PTK2: variants seen among roughly 807,000 people sequenced by gnomAD.
The protein encoded by PTK2 is focal adhesion kinase 1.
In PTK2, 45 loss-of-function variants were observed where a neutral mutation model predicts 150.1. The ratio of observed to expected loss-of-function variants is 0.30; its 90% confidence interval spans 0.24 to 0.38. The LOEUF (loss-of-function observed/expected upper bound fraction) is 0.38. Among genes scored for constraint, PTK2 ranks in the 10% least tolerant of loss-of-function variants. The pLI, the probability that PTK2 is intolerant of heterozygous loss-of-function variation, is 1.00. For missense variants in PTK2, 919 were observed against 1,307.3 expected, an observed-to-expected ratio of 0.70 and a Z score of 4.58; for synonymous variants, 432 against 449.2, an observed-to-expected ratio of 0.96 and a Z score of 0.48.
intron 8 of PTK2, among the ~76,000 whole-genome samples, chr8:140,819,936 C>G (rs2100107131): frequency 6.6e-6 from 1 of 151,738 alleles, no homozygotes; most frequent in Admixed American, 6.6e-5. Flanking sequence ...CTGAGAAGGC[C>G]ATGGATAAAG....
chr8:140,687,338 C>G lies in PTK2; in HGVS notation c.2500-644G>C, dbSNP rs377106148. Among the ~76,000 whole-genome samples, 31 of 152,256 alleles carry G rather than the reference C, an allele frequency of 2.0e-4. No individual in the cohort carries two copies. The East Asian group carries it at 4.6e-3, about 23-fold the overall frequency. ...CAGTGGCTCCTGCCTCCCCTTTGCC[C>G]GTGAACACTGGCCACATACTTCTTC... On this transcript the variant is annotated intron_variant, in intron 26 of 31. Transcript: ENST00000522684.
intron 2 of PTK2, among the ~76,000 whole-genome samples, chr8:140,911,076 A>G (rs2100162967): frequency 6.6e-6 from 1 of 151,302 alleles, no homozygotes; most frequent in Non-Finnish European, 1.5e-5. Context: ...TTTTTTGTAA[A>G]GCCGGAGTCT....
chr8:140,818,851 C>T, intron 9 of PTK2, 29 bp downstream of exon 9: 5 of 1,600,608 alleles, frequency 3.1e-6, no homozygotes, highest in Non-Finnish European at 4.3e-6. Flanking sequence ...ATCAAACTAG[C>T]CCACTATTTC....
At chr8:141,000,564 G>A (rs954135066) in intron 1 of PTK2, among the ~76,000 whole-genome samples, 4 of 152,136 alleles carry the variant, frequency 2.6e-5, no homozygotes, top group African/African-American at 9.7e-5. Context: ...GCGGAGGCCG[G>A]CCCGTCCTCC....
chr8:140,693,687 TTC>T (rs1285466994), intron 26 of PTK2, among the ~76,000 whole-genome samples: 1 of 150,068 alleles, frequency 6.7e-6, no homozygotes, highest in African/African-American at 2.5e-5. Context: ...ATAAAACACA[TTC>T]TGTGCAGGGT....
chr8:140,990,693 TATTTTA>T, intron 1 of PTK2, among the ~76,000 whole-genome samples: 1 of 152,330 alleles, frequency 6.6e-6, no homozygotes, highest in Admixed American at 6.5e-5. Flanking sequence ...TAGATTACAT[TATTTTA>T]ATTTTGTTTA....
chr8:140,860,697 C>T (rs1442224967), intron 5 of PTK2, among the ~76,000 whole-genome samples: 1 of 152,202 alleles, frequency 6.6e-6, no homozygotes, highest in Non-Finnish European at 1.5e-5. Flanking sequence ...TGGTCTCGAA[C>T]TCCTGACCTC....
intron 24 of PTK2, among the ~76,000 whole-genome samples, chr8:140,703,312 G>C (rs954808714): frequency 1.3e-5 from 2 of 152,142 alleles, no homozygotes; most frequent in Non-Finnish European, 2.9e-5. Context: ...TGGAGTAAGG[G>C]GACCATGAGC....
At chr8:140,811,605 G>A (rs1453706911) in intron 10 of PTK2, among the ~76,000 whole-genome samples, 1 of 152,168 alleles carries the variant, frequency 6.6e-6, no homozygotes, top group African/African-American at 2.4e-5. Flanking sequence ...AACATGGATA[G>A]GAATGAAGAT....
intron 1 of PTK2, among the ~76,000 whole-genome samples, chr8:140,943,950 CA>C (rs532058659): frequency 2.3e-4 from 35 of 152,192 alleles, no homozygotes; most frequent in South Asian, 2.1e-3. Context: ...CTTTTTTAAT[CA>C]GACAGTTTAT....
chr8:140,677,734 G>T (rs527934373), intron 27 of PTK2, among the ~76,000 whole-genome samples: 1 of 152,258 alleles, frequency 6.6e-6, no homozygotes, highest in Admixed American at 6.5e-5. Flanking sequence ...AAAAGTCTCA[G>T]AGCTTGAAGG....
intron 1 of PTK2, among the ~76,000 whole-genome samples, chr8:141,000,176 G>A (rs995597155): frequency 9.3e-5 from 14 of 150,494 alleles, no homozygotes; most frequent in Non-Finnish European, 1.6e-4. Flanking sequence ...AACCCAGAGA[G>A]AAATTCGGCA....
intron 1 of PTK2, among the ~76,000 whole-genome samples, chr8:140,988,748 A>T (rs897092276): frequency 6.6e-6 from 1 of 151,584 alleles, no homozygotes; most frequent in Non-Finnish European, 1.5e-5. Flanking sequence ...AAAAAAAAAA[A>T]AAAGACACAC....
rs61261890 is a variant in PTK2 at position 140,902,924 on chromosome 8, G to GTTTT, written c.-32-12159_-32-12156dup. ...TTGCCTGTTCACTCTGATGAGAGTT[G>GTTTT]TTTTTTTTTTTTTTTTTTTTTTTTT... On this transcript the variant is annotated intron_variant, in intron 2 of 31. Transcript: ENST00000522684. 5.3e-4 allele frequency among the ~76,000 whole-genome samples: 31 copies of GTTTT among 58,948 alleles called. 3 individuals carry two copies. The highest frequency in any genetic ancestry group is 6.1e-4 in the Non-Finnish European group (16 of 26,330). 38.7% of individuals were successfully genotyped at this position (58,948 alleles called of 152,430 possible).
At chr8:140,892,385 A>G (rs1201099375) in intron 2 of PTK2, among the ~76,000 whole-genome samples, 2 of 152,072 alleles carry the variant, frequency 1.3e-5, no homozygotes, top group Non-Finnish European at 2.9e-5. Flanking sequence ...AAATTACAAT[A>G]AAGAGCCAGG....
At chr8:140,719,661 C>T (rs1043614312) in intron 22 of PTK2, among the ~76,000 whole-genome samples, 19 of 152,132 alleles carry the variant, frequency 1.2e-4, no homozygotes, top group African/African-American at 4.1e-4. Context: ...GTTAACTTTG[C>T]TAACTTGCTC....
chr8:140,674,277 T>G (rs2100012289), intron 29 of PTK2, 21 bp downstream of exon 32: 1 of 1,581,358 alleles, frequency 6.3e-7, no homozygotes, highest in East Asian at 2.3e-5. Context: ...CAGAAGGTGC[T>G]GCACAGGCTC....
At chr8:140,936,618 A>G (rs2100173731) in intron 1 of PTK2, among the ~76,000 whole-genome samples, 1 of 152,032 alleles carries the variant, frequency 6.6e-6, no homozygotes, top group East Asian at 1.9e-4. Flanking sequence ...TCTGTAACCA[A>G]TTCAAAAACT....
At chr8:140,993,567 T>G (rs1021995636) in intron 1 of PTK2, among the ~76,000 whole-genome samples, 10 of 152,196 alleles carry the variant, frequency 6.6e-5, no homozygotes, top group Non-Finnish European at 1.3e-4. Context: ...GTTAAGCTCT[T>G]TCATTGGACC....
Sources: gnomAD v4.1 joint callset for allele counts (sites outside exome capture counted in the v4.1 genomes callset) on GRCh38, gnomAD v4.1.1 for gene constraint, MANE v1.5 for transcripts, NCBI Gene and HGNC (gene_info 2026-07-23, HGNC 2026-07-21) for gene names.